The following KRTAP5-2 variants were observed in gnomAD, a reference collection of about 807,000 sequenced individuals.
KRTAP5-2 encodes the protein keratin associated protein 5-2, also known as keratin-associated protein 5-2.
For synonymous variants in KRTAP5-2, 79 were observed against 82.7 expected (o/e 0.96, Z 0.24); for missense variants, 188 against 212.8 (o/e 0.88, Z 0.73).
Position 1,597,518 on chromosome 11 carries a change from G to C in KRTAP5-2, c.*199C>G. The C allele has an allele frequency of 1.1e-6, 1 of 890,624 alleles. No homozygotes were observed. Among genetic ancestry groups the C allele is most frequent in the South Asian group, 1.8e-5 (1 of 56,886 alleles). 55.2% of individuals were successfully genotyped at this position (890,624 alleles called of 1,614,324 possible). On this transcript the variant is annotated 3_prime_UTR_variant, in exon 1 of 1. Transcript: ENST00000412090. ...AGGCGAGGACACCTCCCGCATCAGGGAAACACACGTTTCTGGAGTGAGGAG... is the reference window on the plus strand; with the variant it reads ...AGGCGAGGACACCTCCCGCATCAGGCAAACACACGTTTCTGGAGTGAGGAG...
rs1849310253 is a variant in KRTAP5-2 at position 1,597,938 on chromosome 11, T to G, written c.313A>C (p.Lys105Gln). Residue 105 changes from lysine (K) to glutamine (Q), a missense_variant, in exon 1 of 1, where the codon AAG (lysine) becomes CAG (glutamine). Physicochemically the swap from Lys to Gln is moderately conservative, Grantham distance 53 (BLOSUM62 1). Coordinates refer to ENST00000412090, the MANE Select transcript of KRTAP5-2 (RefSeq NM_001004325.2). ...KGGCGSCGGSKGGCGSCGCSQ... is the reference protein window; with the variant it reads ...KGGCGSCGGSQGGCGSCGCSQ... ...CAGCCACAAGAACCACAGCCCCCCT[T>G]GGAACCCCCACAGGAGCCACAGCCC... The G allele has an allele frequency of 6.7e-7, 1 of 1,495,280 alleles. No individual in the cohort carries two copies. Among genetic ancestry groups the G allele is most frequent in the Non-Finnish European group, 8.9e-7 (1 of 1,117,504 alleles). The allele number at this position is 1,495,280 out of a possible 1,614,324, so 92.6% of individuals were successfully genotyped here.
Position 1,598,129 on chromosome 11 carries a change from C to A in KRTAP5-2, c.122G>T (p.Gly41Val), listed in dbSNP as rs1202201430. Residue 41 changes from glycine (G) to valine (V), a missense_variant, in exon 1 of 1, where the codon GGC (glycine) becomes GTC (valine). By Grantham distance (109) the Gly-to-Val change is moderately radical. Coordinates refer to ENST00000412090, the MANE Select transcript of KRTAP5-2 (RefSeq NM_001004325.2). Reference sequence around the variant, plus strand: ...ACAGCTGGAGCTGCAGCCCCCACAGCCAGAGCCACAGCCCCCACGGCCGGA... The same window carrying A: ...ACAGCTGGAGCTGCAGCCCCCACAGACAGAGCCACAGCCCCCACGGCCGGA... ...CGSGRGGCGS[G>V]CGGCSSSCGG... The A allele has an allele frequency of 6.3e-7, 1 of 1,596,440 alleles. No individual in the cohort carries two copies.
rs1036225262 is a variant in KRTAP5-2, at chr11:1,597,454, G to T, written c.*263C>A. The T allele has an allele frequency of 3.4e-6, 2 of 593,798 alleles. No individual in the cohort carries two copies. The highest frequency in any genetic ancestry group is 1.9e-5 in the African/African-American group (1 of 53,396). The allele number at this position is 593,798 out of a possible 1,614,324, so 36.8% of individuals were successfully genotyped here. A position where few individuals can be genotyped will look rare whatever the true frequency, so the allele number is the denominator to read the frequency against. ...AGAAGAAGATGGTCCACACCCAAGT[G>T]CAGGGAACATCGTGGCAGTCGGCTG... is the stretch of plus-strand genomic sequence containing the variant. On this transcript the variant is annotated 3_prime_UTR_variant, in exon 1 of 1. Coordinates refer to ENST00000412090, the MANE Select transcript of KRTAP5-2 (RefSeq NM_001004325.2).
rs1225974218 is a variant in KRTAP5-2 at position 1,598,108 on chromosome 11, C to G, written c.143G>C (p.Ser48Thr). Residue 48 changes from serine to threonine, a missense_variant, in exon 1 of 1, where the codon AGC becomes ACC. Transcript: ENST00000412090. ...ACATCTGGAGCCACATCCCCCACAG[C>G]TGGAGCTGCAGCCCCCACAGCCAGA... ...CGSGCGGCSSSCGGCGSRCYV... is the reference protein window; with the variant it reads ...CGSGCGGCSSTCGGCGSRCYV... 1 of 1,611,756 alleles carries G rather than the reference C, an allele frequency of 6.2e-7. No individual in the cohort carries two copies. Among genetic ancestry groups the G allele is most frequent in the Admixed American group, 1.7e-5 (1 of 59,944 alleles).
Position 1,598,024 on chromosome 11 carries a change from G to C in KRTAP5-2, c.227C>G (p.Thr76Ser), listed in dbSNP as rs1343886844. Residue 76 changes from threonine (T) to serine (S), a missense_variant, in exon 1 of 1, where the codon ACC becomes AGC. Physicochemically the swap from Thr to Ser is moderately conservative, Grantham distance 58. Transcript: ENST00000412090. Reference protein sequence around the residue: ...VCSWVPACSCTSCGSCGGSKG... With the variant: ...VCSWVPACSCSSCGSCGGSKG... ...GGAGCCCCCACAGGAGCCACAGCTGGTGCAGGAACAGGCTGGCACCCAGGA... is the reference window on the plus strand; with the variant it reads ...GGAGCCCCCACAGGAGCCACAGCTGCTGCAGGAACAGGCTGGCACCCAGGA... 1 of 1,588,908 alleles carries C rather than the reference G, an allele frequency of 6.3e-7. No individual in the cohort carries two copies. The highest frequency in any genetic ancestry group is 1.7e-5 in the Admixed American group (1 of 57,144).
Position 1,597,623 on chromosome 11 carries a change from G to T in KRTAP5-2, c.*94C>A. The stretch of plus-strand genomic sequence containing the variant: ...ATGGTGAGCTAGAGCAGGTGCAGGT[G>T]CCTCAGGGAGGATGTGTGGGACGAA... On this transcript the variant is annotated 3_prime_UTR_variant, in exon 1 of 1. Transcript: ENST00000412090. 1.3e-6 allele frequency: 2 copies of T among 1,570,264 alleles called. No homozygotes were observed. The highest frequency in any genetic ancestry group is 1.7e-6 in the Non-Finnish European group (2 of 1,151,990).
In KRTAP5-2 at chr11:1,598,277, G is replaced by A. The variant is rs1258746917; in HGVS notation, c.-27C>T. 1 of 1,613,830 alleles carries A rather than the reference G, an allele frequency of 6.2e-7. No individual in the cohort carries two copies. The highest frequency in any genetic ancestry group is 8.5e-7 in the Non-Finnish European group (1 of 1,179,964). On this transcript the variant is annotated 5_prime_UTR_variant, in exon 1 of 1. Transcript: ENST00000412090. Reference sequence around the variant, plus strand: ...GTTCTGGTGGATTGAGGGTGGAGCAGGTAGAGGAGCAGGTGAGAGGGAGGT... The same window carrying A: ...GTTCTGGTGGATTGAGGGTGGAGCAAGTAGAGGAGCAGGTGAGAGGGAGGT...
chr11:1,597,309 A>T lies in KRTAP5-2; in HGVS notation c.*408T>A, dbSNP rs1436665161. On this transcript the variant is annotated 3_prime_UTR_variant, in exon 1 of 1. Transcript: ENST00000412090. ...ACACTTGGGCCACAGGAGAACAGGC[A>T]GCGGCCCAGGAGGATCCAGGGTCCT... 2 of 229,360 alleles carry T rather than the reference A, an allele frequency of 8.7e-6. No individual in the cohort carries two copies. The highest frequency in any genetic ancestry group is 8.8e-6 in the Non-Finnish European group (1 of 113,822). 14.2% of individuals were successfully genotyped at this position (229,360 alleles called of 1,614,324 possible).
chr11:1,598,144 C>T lies in KRTAP5-2; in HGVS notation c.107G>A (p.Gly36Glu). The change falls in exon 1 of 1, where the codon GGG becomes GAG. Residue 36 changes from glycine to glutamate, a missense_variant. Gly to Glu is a moderately conservative substitution (Grantham distance 98, BLOSUM62 -2). Transcript: ENST00000412090. ...SGCGGCGSGR[G>E]GCGSGCGGCS... is the part of the protein sequence containing the mutation. ...GCCCCCACAGCCAGAGCCACAGCCC[C>T]CACGGCCGGAGCCACAGCCCCCACA... 6.3e-7 allele frequency: 1 copy of T among 1,587,354 alleles called. No individual in the cohort carries two copies. Among genetic ancestry groups the T allele is most frequent in the Non-Finnish European group, 8.6e-7 (1 of 1,161,154 alleles).
Position 1,597,633 on chromosome 11 carries a change from G to C in KRTAP5-2, c.*84C>G. 6.3e-7 allele frequency: 1 copy of C among 1,587,084 alleles called. No individual in the cohort carries two copies. The highest frequency in any genetic ancestry group is 2.2e-5 in the East Asian group (1 of 44,688). ...AGAGCAGGTGCAGGTGCCTCAGGGA[G>C]GATGTGTGGGACGAACTGACTCAGG... On this transcript the variant is annotated 3_prime_UTR_variant, in exon 1 of 1. Transcript: ENST00000412090.
chr11:1,597,307 G>C lies in KRTAP5-2; in HGVS notation c.*410C>G, dbSNP rs140046061. 1,419 of 228,916 alleles carry C rather than the reference G, an allele frequency of 6.2e-3. 21 individuals are homozygous for C. The highest frequency in any genetic ancestry group is 0.03 in the African/African-American group (1,324 of 44,794). 14.2% of individuals were successfully genotyped at this position (228,916 alleles called of 1,614,324 possible). On this transcript the variant is annotated 3_prime_UTR_variant, in exon 1 of 1. Transcript: ENST00000412090. The stretch of plus-strand genomic sequence containing the variant: ...TCACACTTGGGCCACAGGAGAACAG[G>C]CAGCGGCCCAGGAGGATCCAGGGTC...
chr11:1,597,708 T>A lies in KRTAP5-2; in HGVS notation c.*9A>T, dbSNP rs1262565035. 1 of 1,614,010 alleles carries A rather than the reference T, an allele frequency of 6.2e-7. No homozygotes were observed. The highest frequency in any genetic ancestry group is 8.5e-7 in the Non-Finnish European group (1 of 1,179,976). The stretch of plus-strand genomic sequence containing the variant: ...AACAGGAGAAACCTGAAGGTCTGGG[T>A]CCAGAGCCTCAGATCTTACACTGGC... On this transcript the variant is annotated 3_prime_UTR_variant, in exon 1 of 1. Coordinates refer to ENST00000412090, the MANE Select transcript of KRTAP5-2 (RefSeq NM_001004325.2).
chr11:1,597,812 A>C lies in KRTAP5-2; in HGVS notation c.439T>G (p.Cys147Gly), dbSNP rs1424947234. The change falls in exon 1 of 1, where the codon TGC (cysteine) becomes GGC (glycine). Residue 147 changes from cysteine (C) to glycine (G), a missense_variant. Coordinates refer to ENST00000412090, the MANE Select transcript of KRTAP5-2 (RefSeq NM_001004325.2). ...GACTGGCAGCACACGGGGACACAGC[A>C]GCTGGACTGGCAGCAGCAGGGCTTG... Reference protein sequence around the residue: ...CCKPCCCQSSCCVPVCCQSSC... With the variant: ...CCKPCCCQSSGCVPVCCQSSC... The C allele has an allele frequency of 6.2e-7, 1 of 1,613,614 alleles. No homozygotes were observed.
At position 1,598,083 on chromosome 11, in the gene KRTAP5-2, A is replaced by G. The variant is rs1407168593; in HGVS notation, c.168T>C (p.Cys56=). The G allele has an allele frequency of 3.7e-6, 6 of 1,610,576 alleles. No individual in the cohort carries two copies. Among genetic ancestry groups the G allele is most frequent in the East Asian group, 2.2e-5 (1 of 44,710 alleles). Residue 56 remains cysteine (C), a synonymous_variant, in exon 1 of 1, where the codon TGT becomes TGC. Transcript: ENST00000412090. ...GCTTGCAGCAGCAGACAGGCACATA[A>G]CATCTGGAGCCACATCCCCCACAGC... ...SSSCGGCGSR[C]YVPVCCCKPV...
chr11:1,597,560 A>T lies in KRTAP5-2; in HGVS notation c.*157T>A. ...AGTGAGGAGGCTGAAGGCAGGGCCC[A>T]GAGGAGAGCTGAGCCATGGAAGGAG... On this transcript the variant is annotated 3_prime_UTR_variant, in exon 1 of 1. Coordinates refer to ENST00000412090, the MANE Select transcript of KRTAP5-2 (RefSeq NM_001004325.2). 8.2e-7 allele frequency: 1 copy of T among 1,226,824 alleles called. No homozygotes were observed. Among genetic ancestry groups the T allele is most frequent in the Non-Finnish European group, 1.2e-6 (1 of 868,120 alleles). The allele number at this position is 1,226,824 out of a possible 1,614,324, so 76.0% of individuals were successfully genotyped here.
At position 1,597,853 on chromosome 11, in the gene KRTAP5-2, C is replaced by T. The variant is rs764015892; in HGVS notation, c.398G>A (p.Cys133Tyr). The change falls in exon 1 of 1, where the codon TGC becomes TAC. Residue 133 changes from cysteine to tyrosine, a missense_variant. Cys to Tyr is a radical substitution (Grantham distance 194, BLOSUM62 -2). Coordinates refer to ENST00000412090, the MANE Select transcript of KRTAP5-2 (RefSeq NM_001004325.2). Reference sequence around the variant, plus strand: ...GCAGGGCTTGCAGCAGCTGGACTGGCAGCAGGATGATCCACAGCCTGAGGA... The same window carrying T: ...GCAGGGCTTGCAGCAGCTGGACTGGTAGCAGGATGATCCACAGCCTGAGGA... ...CCSSGCGSSC[C>Y]QSSCCKPCCC... 6.8e-6 allele frequency: 11 copies of T among 1,613,866 alleles called. No individual in the cohort carries two copies. The South Asian group carries it at 1.1e-4, about 16-fold the overall frequency.
chr11:1,597,355 T>G lies in KRTAP5-2; in HGVS notation c.*362A>C. 2 of 327,472 alleles carry G rather than the reference T, an allele frequency of 6.1e-6. No individual in the cohort carries two copies. The highest frequency in any genetic ancestry group is 1.2e-5 in the Non-Finnish European group (2 of 168,326). The allele number at this position is 327,472 out of a possible 1,614,324, so 20.3% of individuals were successfully genotyped here. A position where few individuals can be genotyped will look rare whatever the true frequency, so the allele number is the denominator to read the frequency against. On this transcript the variant is annotated 3_prime_UTR_variant, in exon 1 of 1. Transcript: ENST00000412090. Reference sequence around the variant, plus strand: ...GTCCTGATGGTGGTTGAGAAGCTGGTTCTTAGTGATCACTCAGAAACGTCG... The same window carrying G: ...GTCCTGATGGTGGTTGAGAAGCTGGGTCTTAGTGATCACTCAGAAACGTCG...
Position 1,598,218 on chromosome 11 carries a change from G to A in KRTAP5-2, c.33C>T (p.Gly11=). 1.9e-6 allele frequency: 3 copies of A among 1,612,990 alleles called. No homozygotes were observed. The highest frequency in any genetic ancestry group is 2.5e-6 in the Non-Finnish European group (3 of 1,179,882). The change falls in exon 1 of 1, where the codon GGC becomes GGT. Residue 11 remains glycine, a synonymous_variant. Transcript: ENST00000412090. ...TGGAGCCACAGCCCCCACAGCCGGA[G>A]CCACAGCCTCTGGAGCAGCCACAGC... The part of the protein sequence containing the change: MGCCGCSRGC[G]SGCGGCGSSC...
Position 1,597,981 on chromosome 11 carries a change from GGA to G in KRTAP5-2, c.268_269del (p.Ser90LeufsTer30). ...SCGGSKGGCG[S>X]CGGSKGGCGS... The stretch of plus-strand genomic sequence containing the variant: ...CACAGCCCCCCTTGGAGCCCCCACA[GGA>G]GCCACAGCCCCCCTTGGAGCCCCCA... On this transcript the variant is annotated frameshift_variant, in exon 1 of 1. Coordinates refer to ENST00000412090, the MANE Select transcript of KRTAP5-2 (RefSeq NM_001004325.2). LOFTEE classifies it low-confidence loss of function (END_TRUNC). 6.9e-7 allele frequency: 1 copy of G among 1,449,908 alleles called. No individual in the cohort carries two copies. Among genetic ancestry groups the G allele is most frequent in the Non-Finnish European group, 9.5e-7 (1 of 1,057,850 alleles). The allele number at this position is 1,449,908 out of a possible 1,614,324, so 89.8% of individuals were successfully genotyped here.
Sources: gnomAD v4.1 joint callset for allele counts on GRCh38, gnomAD v4.1.1 for gene constraint, MANE v1.5 for transcripts, NCBI Gene and HGNC (gene_info 2026-07-23, HGNC 2026-07-21) for gene names.